POLG: variants seen among roughly 807,000 people sequenced by gnomAD.
POLG encodes DNA polymerase subunit gamma-1.
A neutral mutation model predicts 155.4 loss-of-function variants in POLG; 110 were observed. The ratio of observed to expected loss-of-function variants is 0.71; its 90% CI spans 0.61 to 0.83. The LOEUF is 0.83. Among genes scored for constraint, POLG ranks in the 40% least tolerant of loss-of-function variants. The pLI is 0.00. For missense variants in POLG, 1,685 were observed against 1,627.5 expected (o/e 1.04, Z -0.61); for synonymous variants, 701 against 631.5 (o/e 1.11, Z -1.65).
In POLG at chr15:89,330,093, C is replaced by T. The variant is rs1489749673; in HGVS notation, c.843G>A (p.Gln281=). 2 of 1,613,234 alleles carry T rather than the reference C, an allele frequency of 1.2e-6. No individual in the cohort carries two copies. Among genetic ancestry groups the T allele is most frequent in the East Asian group, 2.2e-5 (1 of 44,890 alleles). The change falls in exon 3 of 23, where the codon CAG becomes CAA. Residue 281 remains glutamine (Q), a synonymous_variant. Coordinates refer to ENST00000268124, the MANE Select transcript of POLG (RefSeq NM_002693.3). ...CCAGGAACCTTACCTGGATCAGGTA[C>T]TGCTCCCTGATATGAGCTCGGTCAA... is the stretch of plus-strand genomic sequence containing the variant. ...VSFDRAHIRE[Q]YLIQGSRMRF...
At chr15:89,320,721 G>T in intron 18 of POLG, 45 bp downstream of exon 18, 1 of 1,607,816 alleles carries the variant, frequency 6.2e-7, no homozygotes, top group Non-Finnish European at 8.5e-7. Context: ...AGTAAAGCAG[G>T]CCTCGGGTCC....
At position 89,325,034 on chromosome 15, in the gene POLG, C is replaced by CAGAGAGTGAGTGAGTGAGTG. The variant is rs1204104728; in HGVS notation, c.1949+396_1949+415dup. Among the ~76,000 whole-genome samples, 49 of 118,354 alleles carry CAGAGAGTGAGTGAGTGAGTG rather than the reference C, an allele frequency of 4.1e-4. 4 individuals carry two copies. Among genetic ancestry groups the CAGAGAGTGAGTGAGTGAGTG allele is most frequent in the South Asian group, 2.2e-3 (8 of 3,630 alleles). The allele number at this position is 118,354 out of a possible 152,430, so 77.6% of individuals were successfully genotyped here. The stretch of plus-strand genomic sequence containing the variant: ...AGCCATGGAAGAAAAAACCTGAACC[C>CAGAGAGTGAGTGAGTGAGTG]AGAGAGTGAGTGAGTGAGTGAGAGA... On this transcript the variant is annotated intron_variant, in intron 10 of 22. Transcript: ENST00000268124.
chr15:89,327,164 T>G lies in POLG; in HGVS notation c.1433+3A>C. ...AGATCCTGCCCACCCAAGGCCTGGCTACCTCTCTCCTGAGAGCAGCTGGCA... is the reference window on the plus strand; with the variant it reads ...AGATCCTGCCCACCCAAGGCCTGGCGACCTCTCTCCTGAGAGCAGCTGGCA... On this transcript the variant is annotated splice_donor_region_variant and intron_variant, in intron 7 of 22. Coordinates refer to ENST00000268124, the MANE Select transcript of POLG (RefSeq NM_002693.3). The G allele has an allele frequency of 1.9e-6, 3 of 1,614,242 alleles. No individual in the cohort carries two copies. Among genetic ancestry groups the G allele is most frequent in the Non-Finnish European group, 2.5e-6 (3 of 1,180,032 alleles).
In POLG at chr15:89,316,350, T is replaced by C. The variant is rs1555451928; in HGVS notation, c.*401A>G. ...TTTCCTTCTTTTTATTTCCACTGCC[T>C]TGGAGCAGGTTTATCACGTTAGAGC... On this transcript the variant is annotated 3_prime_UTR_variant, in exon 23 of 23. Coordinates refer to ENST00000268124, the MANE Select transcript of POLG (RefSeq NM_002693.3). 1.3e-6 allele frequency: 2 copies of C among 1,563,284 alleles called. No homozygotes were observed. The highest frequency in any genetic ancestry group is 1.8e-6 in the Non-Finnish European group (2 of 1,141,976).
Position 89,332,007 on chromosome 15 carries a change from C to T in POLG, c.659+1089G>A, listed in dbSNP as rs148080933. On this transcript the variant is annotated intron_variant, in intron 2 of 22. Coordinates refer to ENST00000268124, the MANE Select transcript of POLG (RefSeq NM_002693.3). Reference sequence around the variant, plus strand: ...TTGAGGTAATTTGGCCTAAAATGACCGACAGATCAAAAAACAAATCTTTCT... The same window carrying T: ...TTGAGGTAATTTGGCCTAAAATGACTGACAGATCAAAAAACAAATCTTTCT... Among the ~76,000 whole-genome samples the T allele has an allele frequency of 9.2e-5, 14 of 152,244 alleles. No homozygotes were observed. In the East Asian group the frequency reaches 1.2e-3, roughly 13 times the overall value.
intron 15 of POLG, 30 bp from the exon 16 acceptor site, chr15:89,321,883 C>T (rs770109946): frequency 1.1e-5 from 17 of 1,608,772 alleles, no homozygotes; most frequent in Admixed American, 1.7e-5. Context: ...GGAAATGGGT[C>T]TTAGCAGGGT....
At chr15:89,323,268 C>T in intron 13 of POLG, 136 bp downstream of exon 13, 1 of 700,102 alleles carries the variant, frequency 1.4e-6, no homozygotes. Context: ...ACAGTATGTG[C>T]CTGAAATCAC....
rs1194870980 is a variant in POLG at position 89,325,113 on chromosome 15, AGT to A, written c.1949+335_1949+336del. Among the ~76,000 whole-genome samples, 40 of 49,724 alleles carry A rather than the reference AGT, an allele frequency of 8.0e-4. 5 individuals are homozygous for A. Among genetic ancestry groups the A allele is most frequent in the South Asian group, 2.7e-3 (4 of 1,480 alleles). 32.6% of individuals were successfully genotyped at this position (49,724 alleles called of 152,430 possible). On this transcript the variant is annotated intron_variant, in intron 10 of 22. Coordinates refer to ENST00000268124, the MANE Select transcript of POLG (RefSeq NM_002693.3). ...GTGAGTGAGTGAGAGAGTGAGAGAG[AGT>A]GAGTGAGTGAGTGAGAGAGTGAGTG... is the stretch of plus-strand genomic sequence containing the variant.
At chr15:89,323,002 A>G in intron 13 of POLG, 100 bp from the exon 14 acceptor site, 2 of 1,217,246 alleles carry the variant, frequency 1.6e-6, no homozygotes, top group East Asian at 4.7e-5. Context: ...TGAGCCCAGA[A>G]CCTCAGCAGT....
rs60636456 is a variant in POLG at position 89,320,980 on chromosome 15, C to G, written c.2767G>C (p.Gly923Arg). 1 of 1,590,034 alleles carries G rather than the reference C, an allele frequency of 6.3e-7. No individual in the cohort carries two copies. The highest frequency in any genetic ancestry group is 1.4e-5 in the African/African-American group (1 of 71,388). ...AGATCAGTGCCCCTGCTCTTCCTGC[C>G]CTGCAGTGTCATCCACCCAAAGGCT... ...CTAFGWMTLQ[G>R]RKSRGTDLHS... The change falls in exon 18 of 23, where the codon GGC becomes CGC. Residue 923 changes from glycine (G) to arginine (R), a missense_variant. This residue lies in a region of POLG where 470 missense variants were observed against 439.9 expected (regional missense o/e 1.07). Transcript: ENST00000268124.
At chr15:89,317,806 A>C (rs1479267301) in intron 21 of POLG, 1 of 486,850 alleles carries the variant, frequency 2.1e-6, no homozygotes, top group Admixed American at 3.4e-5. Context: ...TTAATATACG[A>C]AATCACTTCC....
chr15:89,329,178 G>A, intron 3 of POLG, 68 bp from the exon 4 acceptor site: 2 of 1,384,378 alleles, frequency 1.4e-6, no homozygotes, highest in South Asian at 1.2e-5. Context: ...GCCCACCACT[G>A]CTTGGTGGTG....
rs201481404 is a variant in POLG at position 89,324,120 on chromosome 15, G to A, written c.2057C>T (p.Ala686Val). ...GCCTGCCCTCACCGTTTGCCATATG[G>A]CACTATTGTCAGTGAGCAGGAACTC... ...AEEFLLTDNS[A>V]IWQTVEELDY... is the part of the protein sequence containing the mutation. The change falls in exon 11 of 23, where the codon GCC (alanine) becomes GTC (valine). Residue 686 changes from alanine (A) to valine (V), a missense_variant. Ala to Val is a moderately conservative substitution (Grantham distance 64). Transcript: ENST00000268124. 1 of 1,613,998 alleles carries A rather than the reference G, an allele frequency of 6.2e-7. No homozygotes were observed. Among genetic ancestry groups the A allele is most frequent in the East Asian group, 2.2e-5 (1 of 44,872 alleles).
chr15:89,317,429 C>T lies in POLG; in HGVS notation c.3590G>A (p.Cys1197Tyr). 1 of 1,614,120 alleles carries T rather than the reference C, an allele frequency of 6.2e-7. No individual in the cohort carries two copies. The highest frequency in any genetic ancestry group is 2.2e-5 in the East Asian group (1 of 44,882). The change falls in exon 22 of 23, where the codon TGT becomes TAT. Residue 1197 changes from cysteine to tyrosine, a missense_variant. Around this residue, in one of 3 missense-constraint regions of POLG, gnomAD observed 470 missense variants for 439.9 expected, o/e 1.07. Transcript: ENST00000268124. ...RCLRKEVTMD[C>Y]KTPSNPTGME... is the part of the protein sequence containing the mutation. ...CCCAGTTGGGTTGGAAGGGGTTTTA[C>T]AATCCATGGTCACTTCCTTCCTGAG...
In POLG at chr15:89,324,319, G is replaced by GTTTAGTC. The variant is rs1335342042; in HGVS notation, c.1950-99_1950-93dup. The GTTTAGTC allele has an allele frequency of 2.1e-6, 3 of 1,435,242 alleles. No homozygotes were observed. In the African/African-American group the frequency reaches 4.2e-5, roughly 20 times the overall value. 88.9% of individuals were successfully genotyped at this position (1,435,242 alleles called of 1,614,324 possible). A position where few individuals can be genotyped will look rare whatever the true frequency, so the allele number is the denominator to read the frequency against. On this transcript the variant is annotated intron_variant, in intron 10 of 22. Transcript: ENST00000268124. ...GCTAGTGCCTTCCACAATTCCCTTT[G>GTTTAGTC]TTTAGTCCTCAGAATCAGCTCTGAG...
At position 89,325,351 on chromosome 15, in the gene POLG, G is replaced by C; in HGVS notation, c.1949+99C>G. The C allele has an allele frequency of 3.8e-6, 3 of 789,084 alleles. No individual in the cohort carries two copies. The East Asian group carries it at 7.3e-5, about 19-fold the overall frequency. The allele number at this position is 789,084 out of a possible 1,614,324, so 48.9% of individuals were successfully genotyped here. Reference sequence around the variant, plus strand: ...CCTGTTTTCCCTTCTTCTGAACCCAGACTCTTGAACCCAAACTCTTTCCAC... The same window carrying C: ...CCTGTTTTCCCTTCTTCTGAACCCACACTCTTGAACCCAAACTCTTTCCAC... On this transcript the variant is annotated intron_variant, in intron 10 of 22. Coordinates refer to ENST00000268124, the MANE Select transcript of POLG (RefSeq NM_002693.3).
chr15:89,319,782 T>C (rs1049772808), intron 18 of POLG, among the ~76,000 whole-genome samples: 3 of 152,190 alleles, frequency 2.0e-5, no homozygotes, highest in African/African-American at 7.2e-5. Flanking sequence ...GGGGCATTTG[T>C]TGAAGCAGAA....
In POLG at chr15:89,325,169, AGAGAGTGAGAGAGT is replaced by A. The variant is rs1567189671; in HGVS notation, c.1949+267_1949+280del. ...GAGTGAGTGAGTGAGTGAGTGAGTG[AGAGAGTGAGAGAGT>A]GAGTGAGTGAGAGAGTGAGTGAGAG... On this transcript the variant is annotated intron_variant, in intron 10 of 22. Transcript: ENST00000268124. Among the ~76,000 whole-genome samples, 13 of 84,602 alleles carry A rather than the reference AGAGAGTGAGAGAGT, an allele frequency of 1.5e-4. 4 individuals carry two copies. The highest frequency in any genetic ancestry group is 5.1e-4 in the African/African-American group (10 of 19,518). The allele number at this position is 84,602 out of a possible 152,430, so 55.5% of individuals were successfully genotyped here.
chr15:89,331,198 T>A (rs749387727), intron 2 of POLG, among the ~76,000 whole-genome samples: 1 of 152,156 alleles, frequency 6.6e-6, no homozygotes, highest in African/African-American at 2.4e-5. Context: ...ACTAACTTCT[T>A]TCAAAGAGAA....
Sources: allele counts gnomAD v4.1 joint callset (sites outside exome capture counted in the v4.1 genomes callset), GRCh38; gene constraint gnomAD v4.1.1; regional missense constraint gnomAD v4.1.1; transcripts MANE v1.5; gene names NCBI Gene and HGNC (gene_info 2026-07-23, HGNC 2026-07-21).